KLRK1: variants seen among roughly 807,000 people sequenced by gnomAD.
KLRK1 encodes the protein NKG2-D type II integral membrane protein.
A neutral mutation model predicts 31.3 loss-of-function variants in KLRK1; 40 were observed. The observed-to-expected ratio is 1.28, with a 90% CI of 0.99 to 1.67. KLRK1 has a LOEUF of 1.67. KLRK1 is among the 40% of genes most tolerant of loss of function. The pLI, the probability that KLRK1 is intolerant of heterozygous loss-of-function variation, is 0.00. For synonymous variants in KLRK1, 77 were observed against 77.3 expected, an observed-to-expected ratio of 1.00 and a Z score of 0.02; for missense variants, 251 against 260.0, an observed-to-expected ratio of 0.97 and a Z score of 0.24.
intron 3 of KLRK1, among the ~76,000 whole-genome samples, chr12:10,383,822 T>C (rs1863119408): frequency 6.6e-6 from 1 of 152,036 alleles, no homozygotes. Context: ...GGAATAAAAC[T>C]AGAAATTGAT....
chr12:10,372,944 T>C lies in KLRK1; in HGVS notation c.*170A>G, dbSNP rs977314441. 5 of 600,928 alleles carry C rather than the reference T, an allele frequency of 8.3e-6. No homozygotes were observed. The highest frequency in any genetic ancestry group is 3.6e-5 in the Admixed American group (1 of 27,900). 37.2% of individuals were successfully genotyped at this position (600,928 alleles called of 1,614,324 possible). Reference sequence around the variant, plus strand: ...TTCTTTTGTCTTGGAGAATCATGCATGTTTGCAGTGAAATTGTTCTATGGT... The same window carrying C: ...TTCTTTTGTCTTGGAGAATCATGCACGTTTGCAGTGAAATTGTTCTATGGT... On this transcript the variant is annotated 3_prime_UTR_variant, in exon 8 of 8. Coordinates refer to ENST00000240618, the MANE Select transcript of KLRK1 (RefSeq NM_007360.4).
At chr12:10,386,749 TTATTA>T (rs1271950514) in intron 3 of KLRK1, among the ~76,000 whole-genome samples, 149 bp downstream of exon 3, 1 of 151,852 alleles carries the variant, frequency 6.6e-6, no homozygotes. Flanking sequence ...TACCATAATT[TTATTA>T]TATATTTTAA....
At chr12:10,379,546 T>C in intron 4 of KLRK1, 64 bp from the exon 5 acceptor site, 1 of 1,320,384 alleles carries the variant, frequency 7.6e-7, no homozygotes, top group South Asian at 1.5e-5. Flanking sequence ...TAAGCAAATA[T>C]AGTTTACAAA....
At chr12:10,389,252 G>C (rs1343854045) in intron 1 of KLRK1, among the ~76,000 whole-genome samples, 1 of 151,964 alleles carries the variant, frequency 6.6e-6, no homozygotes, top group African/African-American at 2.4e-5. Context: ...ATTTTATCTG[G>C]CAATAATTTA....
At chr12:10,389,237 T>A (rs1350335079) in intron 1 of KLRK1, among the ~76,000 whole-genome samples, 1 of 152,212 alleles carries the variant, frequency 6.6e-6, no homozygotes, top group Non-Finnish European at 1.5e-5. Context: ...TGTTTCCAGT[T>A]GTTTATTTTA....
At chr12:10,379,339 C>G (rs1863026401) in intron 5 of KLRK1, 108 bp downstream of exon 5, 1 of 557,128 alleles carries the variant, frequency 1.8e-6, no homozygotes, top group African/African-American at 1.9e-5. Context: ...GTATTACAGA[C>G]TAGAATTAAT....
chr12:10,373,764 T>C (rs1862906901), intron 7 of KLRK1, among the ~76,000 whole-genome samples: 1 of 152,152 alleles, frequency 6.6e-6, no homozygotes, highest in African/African-American at 2.4e-5. Context: ...TATATATGTG[T>C]TTTACTCTGG....
Position 10,387,015 on chromosome 12 carries a change from A to T in KLRK1, c.41-5T>A. 6.2e-7 allele frequency: 1 copy of T among 1,605,766 alleles called. No homozygotes were observed. The highest frequency in any genetic ancestry group is 8.5e-7 in the Non-Finnish European group (1 of 1,175,900). On this transcript the variant is annotated splice_region_variant and splice_polypyrimidine_tract_variant and intron_variant, in intron 2 of 7. Transcript: ENST00000240618. Reference sequence around the variant, plus strand: ...AATTATGAAATTCACTCATCTCTAGAGAAAAAGAATTCAGGCTTATATGAG... The same window carrying T: ...AATTATGAAATTCACTCATCTCTAGTGAAAAAGAATTCAGGCTTATATGAG...
chr12:10,385,524 C>T (rs1010451345), intron 3 of KLRK1, among the ~76,000 whole-genome samples: 1 of 152,010 alleles, frequency 6.6e-6, no homozygotes, highest in African/African-American at 2.4e-5. Context: ...ATAAATACCA[C>T]ATGTTCTCAC....
chr12:10,382,125 G>C (rs1863086603), intron 3 of KLRK1: 1 of 152,238 alleles, frequency 6.6e-6, no homozygotes, highest in Non-Finnish European at 1.5e-5. Context: ...AGTGGTTGCA[G>C]GCCATAGCAA....
rs1863220880 is a variant in KLRK1, at chr12:10,388,927, G to A, written c.-65-52C>T. 12 of 1,240,068 alleles carry A rather than the reference G, an allele frequency of 9.7e-6. No individual in the cohort carries two copies. In the East Asian group the frequency reaches 2.3e-4, roughly 23 times the overall value. 76.8% of individuals were successfully genotyped at this position (1,240,068 alleles called of 1,614,324 possible). A position where few individuals can be genotyped will look rare whatever the true frequency, so the allele number is the denominator to read the frequency against. The stretch of plus-strand genomic sequence containing the variant: ...TTTTTTGTTCTCTTTCCCGTGGTGA[G>A]ATAAAATATTTTGAATAGAAAAGTA... On this transcript the variant is annotated intron_variant, in intron 1 of 7. Transcript: ENST00000240618.
At chr12:10,375,239 G>C (rs145844592) in intron 7 of KLRK1, among the ~76,000 whole-genome samples, 133 of 152,298 alleles carry the variant, frequency 8.7e-4, no homozygotes, top group Middle Eastern at 3.4e-3. Flanking sequence ...AATCATTAAA[G>C]TAGCAAAGTA....
intron 7 of KLRK1, 42 bp downstream of exon 7, chr12:10,378,090 A>G (rs1455482405): frequency 3.8e-6 from 6 of 1,571,980 alleles, no homozygotes; most frequent in Non-Finnish European, 5.2e-6. Flanking sequence ...AAAACTTAGG[A>G]AAAAAATTAA....
intron 7 of KLRK1, among the ~76,000 whole-genome samples, chr12:10,376,390 T>C (rs547013024): frequency 4.4e-4 from 67 of 152,280 alleles, no homozygotes; most frequent in African/African-American, 1.6e-3. Context: ...TAAAAATGTC[T>C]GAAAAATTCA....
At chr12:10,375,264 C>T (rs57933651) in intron 7 of KLRK1, among the ~76,000 whole-genome samples, 4,787 of 152,114 alleles carry the variant, frequency 0.031, 213 homozygotes, top group African/African-American at 0.11. Context: ...TAAAAATCAG[C>T]GAAAAGAGCA....
chr12:10,381,847 G>A (rs1391672742), intron 3 of KLRK1: 2 of 152,202 alleles, frequency 1.3e-5, no homozygotes, highest in African/African-American at 4.8e-5. Context: ...AACCCAGATA[G>A]TGCAGTGCTT....
In KLRK1 at chr12:10,378,171, G is replaced by A. The variant is rs1448682816; in HGVS notation, c.494C>T (p.Ser165Phe). 1 of 1,613,994 alleles carries A rather than the reference G, an allele frequency of 6.2e-7. No individual in the cohort carries two copies. Among genetic ancestry groups the A allele is most frequent in the Admixed American group, 1.7e-5 (1 of 60,002 alleles). The change falls in exon 7 of 8, where the codon TCT becomes TTT. Residue 165 changes from serine (S) to phenylalanine (F), a missense_variant. Ser to Phe is a radical substitution (Grantham distance 155, BLOSUM62 -2). Coordinates refer to ENST00000240618, the MANE Select transcript of KLRK1 (RefSeq NM_007360.4). ...AATGGAGCCATCTTCCCACTGCCAA[G>A]ATCCATTTGTTGGAATGTGTACTAG... ...MGLVHIPTNGSWQWEDGSILS... is the reference protein window; with the variant it reads ...MGLVHIPTNGFWQWEDGSILS...
chr12:10,385,358 G>GCACACACACACACACACACA (rs1863146644), intron 3 of KLRK1, among the ~76,000 whole-genome samples: 5 of 55,202 alleles, frequency 9.1e-5, no homozygotes, highest in African/African-American at 3.8e-4. Context: ...AAATAGCTAA[G>GCACACACACACACACACACA]CACACACAGA....
At chr12:10,374,621 C>CT (rs1237714743) in intron 7 of KLRK1, among the ~76,000 whole-genome samples, 3 of 151,982 alleles carry the variant, frequency 2.0e-5, no homozygotes, top group Admixed American at 2.0e-4. Flanking sequence ...ACTTGAACTC[C>CT]TGACCTCAGG....
Sources: allele counts gnomAD v4.1 joint callset (sites outside exome capture counted in the v4.1 genomes callset), GRCh38; gene constraint gnomAD v4.1.1; transcripts MANE v1.5; gene names NCBI Gene and HGNC (gene_info 2026-07-23, HGNC 2026-07-21).